Variants in CDKN2B-AS1 observed in about 807,000 individuals in gnomAD.
The protein encoded by CDKN2B-AS1 is CDKN2B and CDKN2A antisense cis and trans regulatory RNA 1, also known as CDKN2B antisense RNA 1 (non-protein coding).
At chr9:22,113,529 G>A (rs1825857941) in intron 4 of CDKN2B-AS1, 1 of 152,168 alleles carries the variant, frequency 6.6e-6, no homozygotes, top group African/African-American at 2.4e-5. Context: ...AATCTTCGGG[G>A]TCATTCCTAG....
At position 22,005,531 on chromosome 9, in the gene CDKN2B-AS1, T is replaced by G. The variant is rs1275773650; in HGVS notation, n.29+10370T>G. On this transcript the variant is annotated intron_variant and non_coding_transcript_variant, in intron 1 of 4. Transcript: ENST00000650946. The surrounding 1 kb of genome is among the most constrained non-coding windows in gnomAD (Gnocchi z 4.9). Reference sequence around the variant, plus strand: ...TGCCGCTAGGGCCTAAGTTGTGGGTTCACCATAACTCCTCAGCAGACATTG... The same window carrying G: ...TGCCGCTAGGGCCTAAGTTGTGGGTGCACCATAACTCCTCAGCAGACATTG... The G allele has an allele frequency of 3.2e-6, 1 of 314,680 alleles. No homozygotes were observed. The highest frequency in any genetic ancestry group is 6.0e-6 in the Non-Finnish European group (1 of 167,788). The allele number at this position is 314,680 out of a possible 1,614,324, so 19.5% of individuals were successfully genotyped here.
In CDKN2B-AS1 at chr9:22,053,434, C is replaced by G. The variant is rs190740802; in HGVS notation, n.303-2818C>G. 3.7e-3 allele frequency among the ~76,000 whole-genome samples: 560 copies of G among 152,228 alleles called. 1 individual carries two copies. Among genetic ancestry groups the G allele is most frequent in the Non-Finnish European group, 5.5e-3 (373 of 68,012 alleles). The stretch of plus-strand genomic sequence containing the variant: ...AAAGCTAAACATGTTTGCCATAGGC[C>G]CAGGCTGTTTTTCAGCATGTTTCAC... On this transcript the variant is annotated intron_variant and non_coding_transcript_variant, in intron 3 of 4. Coordinates refer to ENST00000650946, the Ensembl canonical transcript of CDKN2B-AS1.
chr9:22,002,710 C>T (rs963391773), intron 1 of CDKN2B-AS1, among the ~76,000 whole-genome samples: 4 of 151,944 alleles, frequency 2.6e-5, no homozygotes, highest in Non-Finnish European at 5.9e-5. Context: ...TACATTTTCC[C>T]AGAGGCGTTT....
In CDKN2B-AS1 at chr9:22,005,845, C is replaced by G; in HGVS notation, n.29+10684C>G. The stretch of plus-strand genomic sequence containing the variant: ...GGAAGGTTATTCCCGGTCGGCTCCT[C>G]CTTCCTGTGAGTCTCAGACAGGCTT... On this transcript the variant is annotated intron_variant and non_coding_transcript_variant, in intron 1 of 4. Coordinates refer to ENST00000650946, the Ensembl canonical transcript of CDKN2B-AS1. This position sits in a 1 kb window ranked among gnomAD's most constrained non-coding sequence, Gnocchi z 4.9. The G allele has an allele frequency of 8.6e-7, 1 of 1,167,752 alleles. No homozygotes were observed. Among genetic ancestry groups the G allele is most frequent in the Non-Finnish European group, 1.2e-6 (1 of 819,976 alleles). 72.3% of individuals were successfully genotyped at this position (1,167,752 alleles called of 1,614,324 possible).
intron 4 of CDKN2B-AS1, among the ~76,000 whole-genome samples, chr9:22,124,256 C>T (rs185194502): frequency 2.6e-5 from 4 of 152,276 alleles, no homozygotes; most frequent in Non-Finnish European, 4.4e-5. Context: ...CAGCAAACCA[C>T]AATCCCACAT....
intron 4 of CDKN2B-AS1, among the ~76,000 whole-genome samples, chr9:22,083,545 A>C (rs1271497819): frequency 1.3e-5 from 2 of 152,196 alleles, no homozygotes; most frequent in Non-Finnish European, 2.9e-5. Context: ...CCCATGGCAT[A>C]CCTTGAATAT....
At chr9:22,008,867 C>T in intron 1 of CDKN2B-AS1, 1 of 1,612,142 alleles carries the variant, frequency 6.2e-7, no homozygotes, top group Non-Finnish European at 8.5e-7. Context: ...GCTGTCGCAC[C>T]TTCTCCACTA....
intron 1 of CDKN2B-AS1, among the ~76,000 whole-genome samples, chr9:22,021,672 C>G (rs980510979): frequency 4.6e-5 from 7 of 151,980 alleles, no homozygotes; most frequent in Non-Finnish European, 8.8e-5. Flanking sequence ...AGTTGTTTAT[C>G]AGCTTAAGAA....
rs550132750 is a variant in CDKN2B-AS1, at chr9:22,025,619, T to G, written n.30-21132T>G. Among the ~76,000 whole-genome samples the G allele has an allele frequency of 1.1e-3, 174 of 152,224 alleles. 3 individuals are homozygous for G. The highest frequency in any genetic ancestry group is 4.1e-3 in the African/African-American group (172 of 41,538). The stretch of plus-strand genomic sequence containing the variant: ...GCTGGGGGCCAGCTCCAGTCCCTGG[T>G]CACTTTAGATTTTCCAGTACCTGGA... On this transcript the variant is annotated intron_variant and non_coding_transcript_variant, in intron 1 of 4. Transcript: ENST00000650946.
intron 4 of CDKN2B-AS1, among the ~76,000 whole-genome samples, chr9:22,084,621 T>C (rs1465365836): frequency 6.6e-6 from 1 of 152,078 alleles, no homozygotes; most frequent in Non-Finnish European, 1.5e-5. Context: ...TGATTTGACC[T>C]CCCAAATTGT....
intron 4 of CDKN2B-AS1, among the ~76,000 whole-genome samples, chr9:22,092,691 T>A (rs1313208552): frequency 6.6e-6 from 1 of 152,176 alleles, no homozygotes; most frequent in Non-Finnish European, 1.5e-5. Flanking sequence ...TTTTTTATTG[T>A]GTCTATTTGA....
intron 3 of CDKN2B-AS1, among the ~76,000 whole-genome samples, chr9:22,054,659 T>C (rs1432310232): frequency 2.6e-5 from 4 of 151,564 alleles, no homozygotes; most frequent in African/African-American, 9.7e-5. Flanking sequence ...AAAACCTGTG[T>C]TCTTTCAGCT....
chr9:22,014,837 T>C (rs552363599), intron 1 of CDKN2B-AS1, among the ~76,000 whole-genome samples: 1 of 143,818 alleles, frequency 7.0e-6, no homozygotes, highest in Non-Finnish European at 1.5e-5. Context: ...TCAATTCCCA[T>C]CTATGAGTGA....
At chr9:22,004,013 G>T (rs1339799896) in intron 1 of CDKN2B-AS1, 4 of 232,636 alleles carry the variant, frequency 1.7e-5, no homozygotes, top group African/African-American at 8.8e-5. Flanking sequence ...TCCATGGAAT[G>T]AATATCTTGT....
intron 1 of CDKN2B-AS1, chr9:22,004,632 C>G (rs1563912303): frequency 4.3e-6 from 1 of 232,398 alleles, no homozygotes. Context: ...AATGATCAAG[C>G]AACCCTGGAA....
chr9:22,081,587 A>G (rs1425960945), intron 4 of CDKN2B-AS1, among the ~76,000 whole-genome samples: 1 of 152,222 alleles, frequency 6.6e-6, no homozygotes, highest in Non-Finnish European at 1.5e-5. Flanking sequence ...GGGTCTGAGC[A>G]CAGCATGCAA....
At chr9:22,058,517 C>G (rs1486671652) in intron 4 of CDKN2B-AS1, 1 of 152,228 alleles carries the variant, frequency 6.6e-6, no homozygotes, top group Non-Finnish European at 1.5e-5. Flanking sequence ...CTAGGTTTGA[C>G]AATGAGCCTA....
At chr9:22,071,110 A>G (rs1050870845) in intron 4 of CDKN2B-AS1, among the ~76,000 whole-genome samples, 5 of 151,300 alleles carry the variant, frequency 3.3e-5, no homozygotes, top group African/African-American at 1.2e-4. Context: ...TATTTGCTTA[A>G]GTCAGTTTTT....
At chr9:22,018,507 A>G (rs754713925) in intron 1 of CDKN2B-AS1, among the ~76,000 whole-genome samples, 6 of 151,996 alleles carry the variant, frequency 3.9e-5, no homozygotes, top group Non-Finnish European at 7.4e-5. Context: ...AAATACAAAA[A>G]TTAGCTGGGC....
Sources: gnomAD v4.1 joint callset for allele counts (sites outside exome capture counted in the v4.1 genomes callset) on GRCh38, gnomAD v4.1.1 for gene constraint, Gnocchi (gnomAD v3.1) non-coding constraint, MANE v1.5 for transcripts, NCBI Gene and HGNC (gene_info 2026-07-23, HGNC 2026-07-21) for gene names.